Variants in SYMPK observed in about 807,000 individuals in gnomAD.
SYMPK encodes the protein symplekin scaffold protein.
In SYMPK, 49 loss-of-function variants were observed where a neutral mutation model predicts 136.4. The ratio of observed to expected loss-of-function variants is 0.36; its 90% CI spans 0.29 to 0.46. The LOEUF is 0.46. SYMPK is among the 20% of genes least tolerant of loss of function. The pLI, the probability that SYMPK is intolerant of heterozygous loss-of-function variation, is 1.00. For synonymous variants in SYMPK, 766 were observed against 713.0 expected (o/e 1.07, Z -1.19); for missense variants, 1,365 against 1,690.0 (o/e 0.81, Z 3.37).
chr19:45,829,858 G>A (rs1039692739), intron 13 of SYMPK, among the ~76,000 whole-genome samples, 196 bp downstream of exon 13: 14 of 152,322 alleles, frequency 9.2e-5, no homozygotes, highest in Non-Finnish European at 1.9e-4. Context: ...TTTCCTCCTC[G>A]TCACCCAGGA....
chr19:45,837,768 AG>A (rs1971338237), intron 10 of SYMPK, among the ~76,000 whole-genome samples: 3 of 152,044 alleles, frequency 2.0e-5, no homozygotes. Context: ...GGCCTGGCCC[AG>A]GGTAAGTGCT....
intron 11 of SYMPK, among the ~76,000 whole-genome samples, chr19:45,833,518 C>T (rs1348355656): frequency 3.3e-5 from 5 of 151,776 alleles, no homozygotes; most frequent in African/African-American, 4.8e-5. Flanking sequence ...ATGAGAATGG[C>T]GTGAACCCAG....
intron 18 of SYMPK, 51 bp downstream of exon 18, chr19:45,825,120 A>G: frequency 6.3e-7 from 1 of 1,583,420 alleles, no homozygotes; most frequent in South Asian, 1.2e-5. Flanking sequence ...GGAGCTGGGG[A>G]CACAGCCTTG....
rs572118931 is a variant in SYMPK, at chr19:45,840,246, C to T, written c.1088-1631G>A. On this transcript the variant is annotated intron_variant, in intron 9 of 26. Transcript: ENST00000245934. Reference sequence around the variant, plus strand: ...GGGAGAATCTCTTAAACCTGGGAGGCGGAGGTTGCAGTGAGCCAAGATCAG... The same window carrying T: ...GGGAGAATCTCTTAAACCTGGGAGGTGGAGGTTGCAGTGAGCCAAGATCAG... Among the ~76,000 whole-genome samples the T allele has an allele frequency of 1.2e-4, 16 of 131,924 alleles. No individual in the cohort carries two copies. The East Asian group carries it at 2.1e-3, about 17-fold the overall frequency. The allele number at this position is 131,924 out of a possible 152,430, so 86.5% of individuals were successfully genotyped here.
Position 45,838,744 on chromosome 19 carries a change from T to A in SYMPK, c.1088-129A>T, listed in dbSNP as rs578168315. The A allele has an allele frequency of 1.5e-4, 160 of 1,058,392 alleles. 3 individuals are homozygous for A. In the African/African-American group the frequency reaches 2.2e-3, roughly 15 times the overall value. 65.6% of individuals were successfully genotyped at this position (1,058,392 alleles called of 1,614,324 possible). On this transcript the variant is annotated intron_variant, in intron 9 of 26. Coordinates refer to ENST00000245934, the MANE Select transcript of SYMPK (RefSeq NM_004819.3). ...AACAGGAGCAAACAGCGGATGAAGA[T>A]CCAGGCTGCAGCTCTGCCTCTGGTG...
rs10423846 is a variant in SYMPK, at chr19:45,821,816, C to T, written c.2792-331G>A. On this transcript the variant is annotated intron_variant, in intron 21 of 26. Coordinates refer to ENST00000245934, the MANE Select transcript of SYMPK (RefSeq NM_004819.3). This position sits in a 1 kb window ranked among gnomAD's most constrained non-coding sequence, Gnocchi z 4.4. ...CTCCTCGTGTGGTCCCCAACACAGA[C>T]TCCACCGCGGCACAGGGGGTCATGG... Among the ~76,000 whole-genome samples the T allele has an allele frequency of 0.056, 8,560 of 152,236 alleles. 523 individuals carry two copies. Among genetic ancestry groups the T allele is most frequent in the East Asian group, 0.34 (1,767 of 5,152 alleles).
intron 7 of SYMPK, among the ~76,000 whole-genome samples, chr19:45,845,941 A>T (rs1971548826): frequency 6.6e-6 from 1 of 152,206 alleles, no homozygotes. Context: ...CACATTATTT[A>T]AAATAGTGAA....
chr19:45,823,084 G>A (rs1970945684), intron 20 of SYMPK, among the ~76,000 whole-genome samples: 1 of 152,214 alleles, frequency 6.6e-6, no homozygotes, highest in Non-Finnish European at 1.5e-5. Flanking sequence ...TTGTCTGACA[G>A]AGGAGAAAAG....
chr19:45,829,179 C>G lies in SYMPK; in HGVS notation c.1776G>C (p.Leu592=). The G allele has an allele frequency of 6.2e-7, 1 of 1,613,950 alleles. No homozygotes were observed. Among genetic ancestry groups the G allele is most frequent in the Non-Finnish European group, 8.5e-7 (1 of 1,179,854 alleles). Residue 592 remains leucine (L), a synonymous_variant, in exon 14 of 27, where the codon CTG becomes CTC. Transcript: ENST00000245934. ...TCAGGCCCGAGTTGAACTGTGTCAC[C>G]AGGCTGGCCAGGATCTTTATGCGGA... is the stretch of plus-strand genomic sequence containing the variant. ...AQVRIKILAS[L]VTQFNSGLKA... is the part of the protein sequence containing the mutation.
At chr19:45,818,175 C>G in intron 22 of SYMPK, 29 bp from the exon 23 acceptor site, 1 of 1,508,004 alleles carries the variant, frequency 6.6e-7, no homozygotes, top group South Asian at 1.3e-5. Context: ...TGGGCCTGTC[C>G]TCTCTGCCCA....
chr19:45,824,144 G>C (rs1970979222), intron 18 of SYMPK: 1 of 430,932 alleles, frequency 2.3e-6, no homozygotes, highest in South Asian at 2.6e-5. Context: ...GCTCAGACTT[G>C]ACCTGACCTC....
chr19:45,850,760 A>G (rs1473993206), intron 5 of SYMPK, among the ~76,000 whole-genome samples: 1 of 152,176 alleles, frequency 6.6e-6, no homozygotes, highest in Admixed American at 6.6e-5. Context: ...GTGGCCAGCA[A>G]GACAGAAAAA....
In SYMPK at chr19:45,815,692, C is replaced by G. The variant is rs775878392; in HGVS notation, c.3693G>C (p.Thr1231=). Residue 1231 remains threonine, a synonymous_variant, in exon 27 of 27, where the codon ACG becomes ACC. Coordinates refer to ENST00000245934, the MANE Select transcript of SYMPK (RefSeq NM_004819.3). ...SSLEGPLPKE[T]AAGGLTLKEE... is the part of the protein sequence containing the mutation. ...CCTTCAAGGTCAGCCCGCCCGCTGC[C>G]GTCTCCTGGTGACCGGGGAAGGAAA... 2 of 1,609,840 alleles carry G rather than the reference C, an allele frequency of 1.2e-6. No individual in the cohort carries two copies. The highest frequency in any genetic ancestry group is 1.7e-5 in the Admixed American group (1 of 59,428).
chr19:45,861,837 G>C (rs1971974511), intron 1 of SYMPK: 1 of 151,930 alleles, frequency 6.6e-6, no homozygotes, highest in Non-Finnish European at 1.5e-5. Context: ...TTGAGGTCAG[G>C]AGTTCAAGAC....
chr19:45,847,542 A>C (rs1227847595), intron 7 of SYMPK, among the ~76,000 whole-genome samples: 2 of 152,206 alleles, frequency 1.3e-5, no homozygotes. Context: ...ACAAAAAAGA[A>C]AATGAAGTAC....
chr19:45,854,875 C>CTTTT (rs373248557), intron 1 of SYMPK: 26 of 167,658 alleles, frequency 1.6e-4, no homozygotes, highest in Admixed American at 8.6e-4. Context: ...CCACAGCAAA[C>CTTTT]TTTCTTTTTT....
chr19:45,858,397 G>A (rs1420289211), intron 1 of SYMPK, among the ~76,000 whole-genome samples: 1 of 152,098 alleles, frequency 6.6e-6, no homozygotes, highest in African/African-American at 2.4e-5. Context: ...AAGACTTTGT[G>A]CCTCTCTTCC....
In SYMPK at chr19:45,839,526, A is replaced by T. The variant is rs375005354; in HGVS notation, c.1088-911T>A. On this transcript the variant is annotated intron_variant, in intron 9 of 26. Transcript: ENST00000245934. ...GGAGCCAGTATAGAATAATAGACTC[A>T]GGCAACAATCATCACTGGATGTTAA... 3.3e-5 allele frequency among the ~76,000 whole-genome samples: 5 copies of T among 152,326 alleles called. No individual in the cohort carries two copies. In the East Asian group the frequency reaches 9.6e-4, roughly 29 times the overall value.
At chr19:45,851,265 C>T (rs911053097) in intron 5 of SYMPK, among the ~76,000 whole-genome samples, 7 of 152,298 alleles carry the variant, frequency 4.6e-5, no homozygotes, top group South Asian at 4.1e-4. Context: ...AAATGCCACT[C>T]ACTTGTTCAC....
Sources: allele counts gnomAD v4.1 joint callset (sites outside exome capture counted in the v4.1 genomes callset), GRCh38; gene constraint gnomAD v4.1.1; non-coding constraint Gnocchi (gnomAD v3.1); transcripts MANE v1.5; gene names NCBI Gene and HGNC (gene_info 2026-07-23, HGNC 2026-07-21).